DGKB: variants seen among roughly 807,000 people sequenced by gnomAD.
The protein encoded by DGKB is 90 kDa diacylglycerol kinase.
In DGKB, 67 loss-of-function variants were observed where a neutral mutation model predicts 114.3. That is an observed-to-expected ratio of 0.59 (90% CI 0.48 to 0.72). The LOEUF is 0.72. DGKB is among the 30% of genes least tolerant of loss of function. The probability of loss-of-function intolerance (pLI) is 0.00; values close to 1 mark genes in which losing one functional copy is unlikely to be tolerated. For synonymous variants in DGKB, 398 were observed against 323.1 expected (o/e 1.23, Z -2.49); for missense variants, 907 against 975.2 (o/e 0.93, Z 0.93).
chr7:14,536,195 G>C (rs1355383412), intron 20 of DGKB, among the ~76,000 whole-genome samples: 1 of 152,028 alleles, frequency 6.6e-6, no homozygotes. Context: ...GGACCAGATG[G>C]CTTCACAGGT....
At position 14,489,664 on chromosome 7, in the gene DGKB, T is replaced by A. The variant is rs190767510; in HGVS notation, c.1771-11439A>T. 5.1e-4 allele frequency among the ~76,000 whole-genome samples: 77 copies of A among 152,246 alleles called. 1 individual carries two copies. The East Asian group carries it at 0.014, about 27-fold the overall frequency. On this transcript the variant is annotated intron_variant, in intron 20 of 25. Transcript: ENST00000402815. ...AATCCAAGTCAAAACCTCATGTGCG[T>A]TTGCAATCATTAAACTGAAGTGGGG...
intron 23 of DGKB, among the ~76,000 whole-genome samples, chr7:14,235,642 T>C (rs1489082150): frequency 6.6e-6 from 1 of 152,078 alleles, no homozygotes; most frequent in Non-Finnish European, 1.5e-5. Context: ...TAGAGTGTAA[T>C]GTGGAAACCT....
At chr7:14,782,127 C>A (rs1203888933) in intron 2 of DGKB, among the ~76,000 whole-genome samples, 1 of 151,996 alleles carries the variant, frequency 6.6e-6, no homozygotes, top group Non-Finnish European at 1.5e-5. Flanking sequence ...CAGGCTCAAG[C>A]AATTCTCATG....
chr7:14,764,494 T>A (rs950257867), intron 2 of DGKB, among the ~76,000 whole-genome samples: 1 of 151,916 alleles, frequency 6.6e-6, no homozygotes, highest in African/African-American at 2.4e-5. Flanking sequence ...GGGGATCTTT[T>A]AATATACACT....
intron 21 of DGKB, among the ~76,000 whole-genome samples, chr7:14,400,714 A>T (rs1424081945): frequency 6.6e-6 from 1 of 151,186 alleles, no homozygotes; most frequent in African/African-American, 2.4e-5. Flanking sequence ...TGAAAAAAAA[A>T]ATTCTGTCTA....
chr7:14,626,379 G>T (rs1808591286), intron 14 of DGKB, among the ~76,000 whole-genome samples: 1 of 152,218 alleles, frequency 6.6e-6, no homozygotes, highest in Admixed American at 6.5e-5. Context: ...TTGTATCGTA[G>T]AACTTACTTT....
intron 17 of DGKB, among the ~76,000 whole-genome samples, chr7:14,587,128 T>C (rs1800905871): frequency 6.6e-6 from 1 of 152,162 alleles, no homozygotes; most frequent in African/African-American, 2.4e-5. Context: ...TTTAATAATC[T>C]AGGTGTCATT....
chr7:14,690,726 GCAGA>G (rs1245490721), intron 9 of DGKB, among the ~76,000 whole-genome samples: 1 of 152,190 alleles, frequency 6.6e-6, no homozygotes, highest in Non-Finnish European at 1.5e-5. Flanking sequence ...CTCTCCCTCT[GCAGA>G]CAGTTTCCAA....
intron 6 of DGKB, among the ~76,000 whole-genome samples, chr7:14,702,616 G>A (rs182885839): frequency 6.6e-6 from 1 of 152,244 alleles, no homozygotes; most frequent in East Asian, 1.9e-4. Context: ...GATAAATAGA[G>A]AAGACAGACA....
intron 20 of DGKB, among the ~76,000 whole-genome samples, chr7:14,516,932 C>A (rs1354648124): frequency 6.6e-6 from 1 of 151,358 alleles, no homozygotes; most frequent in East Asian, 1.9e-4. Flanking sequence ...ACTATGAATT[C>A]TTCATGGAAT....
rs73287793 is a variant in DGKB, at chr7:14,571,973, A to T, written c.1770+2239T>A. On this transcript the variant is annotated intron_variant, in intron 20 of 25. Transcript: ENST00000402815. ...AATCCAGAGAATTAAAGATATAAACAATTTTCAGTATTCAACAAAAAACGA... is the reference window on the plus strand; with the variant it reads ...AATCCAGAGAATTAAAGATATAAACTATTTTCAGTATTCAACAAAAAACGA... 6.5e-3 allele frequency among the ~76,000 whole-genome samples: 991 copies of T among 152,272 alleles called. 16 individuals carry two copies. The highest frequency in any genetic ancestry group is 0.023 in the African/African-American group (952 of 41,546).
chr7:14,174,076 T>G (rs1467556416), intron 25 of DGKB, among the ~76,000 whole-genome samples: 2 of 152,180 alleles, frequency 1.3e-5, no homozygotes, highest in African/African-American at 4.8e-5. Context: ...ATTTTCAAGC[T>G]GGAGAAGCTT....
intron 23 of DGKB, among the ~76,000 whole-genome samples, chr7:14,253,520 T>C (rs1166062416): frequency 1.3e-5 from 2 of 152,218 alleles, no homozygotes; most frequent in African/African-American, 4.8e-5. Flanking sequence ...TCTTAATAAT[T>C]GAATATTAAC....
At chr7:14,484,341 C>T (rs979596183) in intron 20 of DGKB, among the ~76,000 whole-genome samples, 2 of 150,628 alleles carry the variant, frequency 1.3e-5, no homozygotes, top group African/African-American at 4.9e-5. Flanking sequence ...CCCCTCTGAA[C>T]ATCATGTTGA....
intron 13 of DGKB, among the ~76,000 whole-genome samples, chr7:14,634,356 G>C (rs941941219): frequency 6.6e-6 from 1 of 151,210 alleles, no homozygotes; most frequent in African/African-American, 2.4e-5. Context: ...AGTTGCAAGA[G>C]GAGACTTTTT....
intron 1 of DGKB, among the ~76,000 whole-genome samples, chr7:14,968,882 G>T (rs1274114935): frequency 6.6e-6 from 1 of 152,076 alleles, no homozygotes; most frequent in Non-Finnish European, 1.5e-5. Flanking sequence ...TGATGTATTT[G>T]TTTAAAAGCT....
chr7:14,586,868 A>AG (rs397769574), intron 17 of DGKB, among the ~76,000 whole-genome samples: 2 of 151,728 alleles, frequency 1.3e-5, no homozygotes, highest in African/African-American at 4.8e-5. Flanking sequence ...AAAAAAAAAA[A>AG]GATTCCTTTC....
At chr7:14,499,409 A>G (rs1317313329) in intron 20 of DGKB, among the ~76,000 whole-genome samples, 1 of 141,634 alleles carries the variant, frequency 7.1e-6, no homozygotes, top group Non-Finnish European at 1.5e-5. Flanking sequence ...CTTCAAAAGA[A>G]ATATGGGTGA....
intron 21 of DGKB, among the ~76,000 whole-genome samples, chr7:14,378,043 G>A (rs1818786824): frequency 6.6e-6 from 1 of 152,130 alleles, no homozygotes; most frequent in Non-Finnish European, 1.5e-5. Flanking sequence ...GAGTATAGTA[G>A]AAACATCAGA....
Sources: allele counts gnomAD v4.1 joint callset (sites outside exome capture counted in the v4.1 genomes callset), GRCh38; gene constraint gnomAD v4.1.1; transcripts MANE v1.5; gene names NCBI Gene and HGNC (gene_info 2026-07-23, HGNC 2026-07-21).